The following ARRDC4 variants were observed in gnomAD, a reference collection of about 807,000 sequenced individuals.
The protein encoded by ARRDC4 is arrestin domain-containing protein 4.
Under a neutral mutation model 44.6 loss-of-function variants are expected in ARRDC4, and 40 were observed. That is an observed-to-expected ratio of 0.90 (90% confidence interval 0.70 to 1.17). ARRDC4 has a LOEUF of 1.17. ARRDC4 is among the 50% of genes most tolerant of loss of function. The pLI is 0.00. For synonymous variants in ARRDC4, 211 were observed against 221.2 expected (o/e 0.95, Z 0.41); for missense variants, 550 against 559.1 (o/e 0.98, Z 0.16).
chr15:97,969,317 A>T lies in ARRDC4; in HGVS notation c.820A>T (p.Ile274Phe). ...TDTWNGKTLK[I>F]PPVTPSILDC... ...CACATGGAATGGGAAAACGCTAAAA[A>T]TCCCACCTGTTACTCCATCCATCCT... Residue 274 changes from isoleucine to phenylalanine, a missense_variant, in exon 5 of 8, where the codon ATC becomes TTC. Physicochemically the swap from Ile to Phe is conservative, Grantham distance 21. Coordinates refer to ENST00000268042, the MANE Select transcript of ARRDC4 (RefSeq NM_183376.3). 2 of 1,613,918 alleles carry T rather than the reference A, an allele frequency of 1.2e-6. No homozygotes were observed. Among genetic ancestry groups the T allele is most frequent in the Non-Finnish European group, 1.7e-6 (2 of 1,179,852 alleles).
Position 97,966,809 on chromosome 15 carries a change from G to T in ARRDC4, c.522+767G>T, listed in dbSNP as rs1899425222. ...GTTCTTCATTTAAATATGAATGAAT[G>T]ATTTTTTTTACTTCATAGAAAATAC... On this transcript the variant is annotated intron_variant, in intron 3 of 7. Coordinates refer to ENST00000268042, the MANE Select transcript of ARRDC4 (RefSeq NM_183376.3). This position sits in a 1 kb window ranked among gnomAD's most constrained non-coding sequence, Gnocchi z 4.7. Among the ~76,000 whole-genome samples the T allele has an allele frequency of 6.6e-6, 1 of 152,118 alleles. No homozygotes were observed. Among genetic ancestry groups the T allele is most frequent in the African/African-American group, 2.4e-5 (1 of 41,424 alleles).
chr15:97,971,065 A>G (rs1187134709), intron 7 of ARRDC4, 66 bp from the exon 8 acceptor site: 5 of 1,525,548 alleles, frequency 3.3e-6, no homozygotes, highest in Non-Finnish European at 3.6e-6. Flanking sequence ...ATATAATTAC[A>G]AATAGGTACT....
In ARRDC4 at chr15:97,970,861, ATT is replaced by A. The variant is rs1899499625; in HGVS notation, c.1200+120_1200+121del. ...CATAATTAGTAAGGGATACATTTAA[ATT>A]TGTTTATACAGTGGTAATAGATTAT... On this transcript the variant is annotated intron_variant, in intron 7 of 7. Coordinates refer to ENST00000268042, the MANE Select transcript of ARRDC4 (RefSeq NM_183376.3). This position sits in a 1 kb window ranked among gnomAD's most constrained non-coding sequence, Gnocchi z 4.2. 6.2e-5 allele frequency: 78 copies of A among 1,256,030 alleles called. 2 individuals are homozygous for A. In the South Asian group the frequency reaches 1.1e-3, roughly 18 times the overall value. 77.8% of individuals were successfully genotyped at this position (1,256,030 alleles called of 1,614,324 possible).
chr15:97,960,937 G>A lies in ARRDC4; in HGVS notation c.76G>A (p.Asp26Asn), dbSNP rs1003120270. 2.7e-6 allele frequency: 4 copies of A among 1,467,292 alleles called. No individual in the cohort carries two copies. Among genetic ancestry groups the A allele is most frequent in the Non-Finnish European group, 3.6e-6 (4 of 1,106,614 alleles). 90.9% of individuals were successfully genotyped at this position (1,467,292 alleles called of 1,614,324 possible). Residue 26 changes from aspartate to asparagine, a missense_variant, in exon 1 of 8, where the codon GAC becomes AAC. Coordinates refer to ENST00000268042, the MANE Select transcript of ARRDC4 (RefSeq NM_183376.3). ...RVKSLGLVFE[D>N]ERKGCYSSGE... ...GAAGAGCCTGGGTCTGGTGTTCGAGGACGAGCGCAAGGGCTGCTATTCCAG... is the reference window on the plus strand; with the variant it reads ...GAAGAGCCTGGGTCTGGTGTTCGAGAACGAGCGCAAGGGCTGCTATTCCAG...
chr15:97,970,673 G>T lies in ARRDC4; in HGVS notation c.1130G>T (p.Gly377Val), dbSNP rs1439690917. 6.2e-7 allele frequency: 1 copy of T among 1,613,516 alleles called. No individual in the cohort carries two copies. The highest frequency in any genetic ancestry group is 1.3e-5 in the African/African-American group (1 of 74,888). ...PPYPQPPNCE[G>V]EVCCPVFACI... ...TACCCTCAACCCCCTAACTGTGAGG[G>T]AGAAGTGTGCTGTCCTGTGTTTGCC... Residue 377 changes from glycine (G) to valine (V), a missense_variant, in exon 7 of 8, where the codon GGA becomes GTA. By Grantham distance (109) the Gly-to-Val change is moderately radical (BLOSUM62 -3). Coordinates refer to ENST00000268042, the MANE Select transcript of ARRDC4 (RefSeq NM_183376.3). This position sits in a 1 kb window ranked among gnomAD's most constrained non-coding sequence, Gnocchi z 4.2.
chr15:97,962,680 TCTTAAA>T (rs1899342129), intron 1 of ARRDC4, among the ~76,000 whole-genome samples: 1 of 152,270 alleles, frequency 6.6e-6, no homozygotes, highest in African/African-American at 2.4e-5. Context: ...AATTTGAAAA[TCTTAAA>T]CTTGTTTTAG....
rs140190892 is a variant in ARRDC4 at position 97,970,538 on chromosome 15, G to A, written c.1046-51G>A. ...CTTGTTTTTGTAGCAGTTAAGAATC[G>A]AGATTAATTTTTGAGTGGATTTCTT... On this transcript the variant is annotated intron_variant, in intron 6 of 7. Coordinates refer to ENST00000268042, the MANE Select transcript of ARRDC4 (RefSeq NM_183376.3). The surrounding 1 kb of genome is among the most constrained non-coding windows in gnomAD (Gnocchi z 4.2). 138 of 1,547,648 alleles carry A rather than the reference G, an allele frequency of 8.9e-5. No individual in the cohort carries two copies. Among genetic ancestry groups the A allele is most frequent in the Admixed American group, 3.1e-4 (17 of 54,644 alleles).
rs966924581 is a variant in ARRDC4, at chr15:97,970,127, C to T, written c.1045+82C>T. ...CAGAATATATACACTATTAAGTGCT[C>T]AGATGTTGATGAGTACTGCTACTAT... is the stretch of plus-strand genomic sequence containing the variant. On this transcript the variant is annotated intron_variant, in intron 6 of 7. Coordinates refer to ENST00000268042, the MANE Select transcript of ARRDC4 (RefSeq NM_183376.3). This position sits in a 1 kb window ranked among gnomAD's most constrained non-coding sequence, Gnocchi z 4.2. The T allele has an allele frequency of 2.1e-5, 29 of 1,398,468 alleles. 1 individual carries two copies. The East Asian group carries it at 7.1e-4, about 34-fold the overall frequency. The allele number at this position is 1,398,468 out of a possible 1,614,324, so 86.6% of individuals were successfully genotyped here.
chr15:97,961,244 C>T (rs1596304138), intron 1 of ARRDC4, 76 bp downstream of exon 1: 2 of 1,265,684 alleles, frequency 1.6e-6, no homozygotes, highest in Middle Eastern at 3.0e-4. Context: ...CGCGCACCCT[C>T]GGGATGCCCA....
Position 97,968,737 on chromosome 15 carries a change from G to T in ARRDC4, c.626-386G>T, listed in dbSNP as rs972730001. 2.6e-5 allele frequency among the ~76,000 whole-genome samples: 4 copies of T among 152,098 alleles called. No individual in the cohort carries two copies. The highest frequency in any genetic ancestry group is 5.9e-5 in the Non-Finnish European group (4 of 68,004). The stretch of plus-strand genomic sequence containing the variant: ...CATTATTAATTCCTTAAAAGCAAAG[G>T]CTTTGTTCTCCTGTTAGGCAGATTT... On this transcript the variant is annotated intron_variant, in intron 4 of 7. Coordinates refer to ENST00000268042, the MANE Select transcript of ARRDC4 (RefSeq NM_183376.3). The surrounding 1 kb of genome is among the most constrained non-coding windows in gnomAD (Gnocchi z 5.4).
At chr15:97,961,258 G>A (rs1395789118) in intron 1 of ARRDC4, 90 bp downstream of exon 1, 4 of 1,203,166 alleles carry the variant, frequency 3.3e-6, no homozygotes, top group Non-Finnish European at 4.2e-6. Flanking sequence ...ATGCCCACCT[G>A]GCAGGTGAGA....
rs1567194502 is a variant in ARRDC4, at chr15:97,969,389, G to C, written c.882+10G>C. ...GGACTATTCCTTAGCTGTAAGCAAAGCTCTTTTTTAAAAAAAAATGTGTAT... is the reference window on the plus strand; with the variant it reads ...GGACTATTCCTTAGCTGTAAGCAAACCTCTTTTTTAAAAAAAAATGTGTAT... On this transcript the variant is annotated intron_variant, in intron 5 of 7. Transcript: ENST00000268042. The C allele has an allele frequency of 5.8e-6, 9 of 1,554,872 alleles. No individual in the cohort carries two copies. Among genetic ancestry groups the C allele is most frequent in the Middle Eastern group, 1.7e-4 (1 of 5,944 alleles).
At position 97,968,033 on chromosome 15, in the gene ARRDC4, A is replaced by C; in HGVS notation, c.542A>C (p.Gln181Pro). The change falls in exon 4 of 8, where the codon CAA becomes CCA. Residue 181 changes from glutamine (Q) to proline (P), a missense_variant. Coordinates refer to ENST00000268042, the MANE Select transcript of ARRDC4 (RefSeq NM_183376.3). The surrounding 1 kb of genome is among the most constrained non-coding windows in gnomAD (Gnocchi z 5.4). ...TTCAAGACCCCTGTATTGAAAACTC[A>C]AGAGAAAATGGTTGGCTGTTGGTTT... Reference protein sequence around the residue: ...PALLTPVLKTQEKMVGCWFFT... With the variant: ...PALLTPVLKTPEKMVGCWFFT... 1 of 1,595,240 alleles carries C rather than the reference A, an allele frequency of 6.3e-7. No homozygotes were observed. Among genetic ancestry groups the C allele is most frequent in the Non-Finnish European group, 8.5e-7 (1 of 1,170,764 alleles).
Position 97,960,746 on chromosome 15 carries a change from G to A in ARRDC4, c.-116G>A. On this transcript the variant is annotated 5_prime_UTR_variant, in exon 1 of 8. Coordinates refer to ENST00000268042, the MANE Select transcript of ARRDC4 (RefSeq NM_183376.3). ...CCGGTGCCCCATCGGGTACCGCACG[G>A]CTGCCGCGGCGGCCTTACCCTGCCG... The A allele has an allele frequency of 1.0e-6, 1 of 956,002 alleles. No individual in the cohort carries two copies. Among genetic ancestry groups the A allele is most frequent in the Non-Finnish European group, 1.4e-6 (1 of 734,298 alleles). 59.2% of individuals were successfully genotyped at this position (956,002 alleles called of 1,614,324 possible). A position where few individuals can be genotyped will look rare whatever the true frequency, so the allele number is the denominator to read the frequency against.
At chr15:97,969,778 C>T (rs1899476331) in intron 5 of ARRDC4, 105 bp from the exon 6 acceptor site, 2 of 1,086,730 alleles carry the variant, frequency 1.8e-6, no homozygotes, top group Non-Finnish European at 2.6e-6. Context: ...TGGCAGCCGA[C>T]AAAAGCATTT....
In ARRDC4 at chr15:97,970,140, G is replaced by C. The variant is rs1370328054; in HGVS notation, c.1045+95G>C. On this transcript the variant is annotated intron_variant, in intron 6 of 7. Transcript: ENST00000268042. This position sits in a 1 kb window ranked among gnomAD's most constrained non-coding sequence, Gnocchi z 4.2. ...CTATTAAGTGCTCAGATGTTGATGAGTACTGCTACTATAGGTATCTTTATT... is the reference window on the plus strand; with the variant it reads ...CTATTAAGTGCTCAGATGTTGATGACTACTGCTACTATAGGTATCTTTATT... 4.7e-6 allele frequency: 6 copies of C among 1,263,516 alleles called. No homozygotes were observed. The highest frequency in any genetic ancestry group is 6.4e-6 in the Non-Finnish European group (6 of 932,126). 78.3% of individuals were successfully genotyped at this position (1,263,516 alleles called of 1,614,324 possible).
rs1899438661 is a variant in ARRDC4 at position 97,967,575 on chromosome 15, C to A, written c.523-439C>A. Among the ~76,000 whole-genome samples the A allele has an allele frequency of 6.6e-6, 1 of 150,798 alleles. No homozygotes were observed. The highest frequency in any genetic ancestry group is 2.5e-5 in the African/African-American group (1 of 40,226). The stretch of plus-strand genomic sequence containing the variant: ...GGTGGGAAAAGGCTGTTTGTTTATT[C>A]CACTTTATTAAATGCCAAAATAAAT... On this transcript the variant is annotated intron_variant, in intron 3 of 7. Transcript: ENST00000268042. The surrounding 1 kb of genome is among the most constrained non-coding windows in gnomAD (Gnocchi z 5.0).
chr15:97,971,249 C>CT lies in ARRDC4; in HGVS notation c.*67dup. ...AGAATGTTGGTTCTTTTCCTTCTGCCTTTTTGGGAAAGAGACAGGAAAGAT... is the reference window on the plus strand; with the variant it reads ...AGAATGTTGGTTCTTTTCCTTCTGCCTTTTTTGGGAAAGAGACAGGAAAGAT... On this transcript the variant is annotated 3_prime_UTR_variant, in exon 8 of 8. Transcript: ENST00000268042. 2 of 1,497,846 alleles carry CT rather than the reference C, an allele frequency of 1.3e-6. No individual in the cohort carries two copies. Among genetic ancestry groups the CT allele is most frequent in the Non-Finnish European group, 1.9e-6 (2 of 1,076,378 alleles). The allele number at this position is 1,497,846 out of a possible 1,614,324, so 92.8% of individuals were successfully genotyped here.
chr15:97,965,514 C>T lies in ARRDC4; in HGVS notation c.308-86C>T. ...ATGCTGCATTTTGTAGCGAGAAAAA[C>T]TTCCTTCAAAAAATTATTTACATTG... On this transcript the variant is annotated intron_variant, in intron 1 of 7. Coordinates refer to ENST00000268042, the MANE Select transcript of ARRDC4 (RefSeq NM_183376.3). The surrounding 1 kb of genome is among the most constrained non-coding windows in gnomAD (Gnocchi z 5.1). The T allele has an allele frequency of 8.4e-7, 1 of 1,188,874 alleles. No individual in the cohort carries two copies. Among genetic ancestry groups the T allele is most frequent in the Non-Finnish European group, 1.2e-6 (1 of 807,656 alleles). The allele number at this position is 1,188,874 out of a possible 1,614,324, so 73.6% of individuals were successfully genotyped here.
Sources: allele counts gnomAD v4.1 joint callset (sites outside exome capture counted in the v4.1 genomes callset), GRCh38; gene constraint gnomAD v4.1.1; non-coding constraint Gnocchi (gnomAD v3.1); transcripts MANE v1.5; gene names NCBI Gene and HGNC (gene_info 2026-07-23, HGNC 2026-07-21).